VPS4B: variants seen among roughly 807,000 people sequenced by gnomAD.
VPS4B encodes vacuolar protein sorting 4 homolog B.
Under a neutral mutation model 56.1 loss-of-function variants are expected in VPS4B, and 23 were observed. That is an observed-to-expected ratio of 0.41 (90% CI 0.30 to 0.58). VPS4B has a LOEUF of 0.58. VPS4B is among the 20% of genes least tolerant of loss of function. The pLI is 0.29. For missense variants in VPS4B, 372 were observed against 531.9 expected (o/e 0.70, Z 2.96); for synonymous variants, 177 against 186.0 (o/e 0.95, Z 0.39).
At chr18:63,400,905 A>G (rs28572172) in intron 5 of VPS4B, among the ~76,000 whole-genome samples, 1 of 152,244 alleles carries the variant, frequency 6.6e-6, no homozygotes, top group African/African-American at 2.4e-5. Flanking sequence ...CTTGCATAAC[A>G]TAAGCCTTCT....
intron 1 of VPS4B, among the ~76,000 whole-genome samples, chr18:63,418,339 T>C (rs895981016): frequency 1.3e-5 from 2 of 152,306 alleles, no homozygotes. Flanking sequence ...CTCCGCAGCA[T>C]TTAACACACA....
Position 63,422,435 on chromosome 18 carries a change from T to C in VPS4B, c.-176A>G. 2.1e-6 allele frequency: 1 copy of C among 475,060 alleles called. No homozygotes were observed. Among genetic ancestry groups the C allele is most frequent in the East Asian group, 3.6e-5 (1 of 27,576 alleles). 29.4% of individuals were successfully genotyped at this position (475,060 alleles called of 1,614,324 possible). On this transcript the variant is annotated 5_prime_UTR_variant, in exon 1 of 11. Transcript: ENST00000238497. ...TAGACAACACTCTCTCCACCAGAGC[T>C]CCGACCCTCCCCACCAAACTTCCGC...
At chr18:63,422,175 T>C in intron 1 of VPS4B, 58 bp downstream of exon 1, 3 of 1,367,488 alleles carry the variant, frequency 2.2e-6, no homozygotes, top group South Asian at 1.5e-5. Context: ...CCCCACCCGC[T>C]TCTCGCGCCT....
intron 9 of VPS4B, among the ~76,000 whole-genome samples, chr18:63,395,433 A>ACT (rs1915648709): frequency 6.6e-6 from 1 of 152,230 alleles, no homozygotes; most frequent in Non-Finnish European, 1.5e-5. Flanking sequence ...GGACTTCAAA[A>ACT]TAGCATTATC....
chr18:63,403,623 G>C, intron 5 of VPS4B, 84 bp downstream of exon 5: 1 of 1,344,440 alleles, frequency 7.4e-7, no homozygotes, highest in Non-Finnish European at 1.0e-6. Context: ...TAATTCATTA[G>C]TGACAAGAAT....
chr18:63,403,890 T>A, intron 4 of VPS4B, 64 bp from the exon 5 acceptor site: 1 of 1,526,176 alleles, frequency 6.6e-7, no homozygotes, highest in Non-Finnish European at 8.8e-7. Flanking sequence ...GAAGACAACA[T>A]GAAATAATGA....
At chr18:63,407,629 GCTTA>G (rs1239529490) in intron 3 of VPS4B, 130 bp from the exon 4 acceptor site, 18 of 675,560 alleles carry the variant, frequency 2.7e-5, no homozygotes, top group Non-Finnish European at 3.4e-5. Flanking sequence ...TAAAAGTTAT[GCTTA>G]CTTATTTTAA....
intron 2 of VPS4B, 123 bp from the exon 3 acceptor site, chr18:63,410,569 C>T (rs1916018356): frequency 7.9e-7 from 1 of 1,270,934 alleles, no homozygotes; most frequent in East Asian, 2.3e-5. Context: ...GGAAGATCAT[C>T]TCTAACTCAT....
At chr18:63,398,518 C>G (rs908395505) in intron 8 of VPS4B, among the ~76,000 whole-genome samples, 1 of 151,438 alleles carries the variant, frequency 6.6e-6, no homozygotes, top group African/African-American at 2.4e-5. Context: ...CCACACCCGG[C>G]CTGACATATA....
In VPS4B at chr18:63,402,829, C is replaced by G. The variant is rs148027581; in HGVS notation, c.484+878G>C. On this transcript the variant is annotated intron_variant, in intron 5 of 10. Coordinates refer to ENST00000238497, the MANE Select transcript of VPS4B (RefSeq NM_004869.4). Reference sequence around the variant, plus strand: ...AGGCGGACAGTGCGTGGCCTACAGGCTTTTTGCTCTTCATCACTGCTCTAT... The same window carrying G: ...AGGCGGACAGTGCGTGGCCTACAGGGTTTTTGCTCTTCATCACTGCTCTAT... Among the ~76,000 whole-genome samples, 75 of 152,258 alleles carry G rather than the reference C, an allele frequency of 4.9e-4. 1 individual carries two copies. In the East Asian group the frequency reaches 0.014, roughly 27 times the overall value.
chr18:63,421,116 G>C (rs550790840), intron 1 of VPS4B, among the ~76,000 whole-genome samples: 12 of 151,576 alleles, frequency 7.9e-5, no homozygotes, highest in Admixed American at 2.0e-4. Context: ...CACAAAATGA[G>C]TCATTGTTGC....
Position 63,403,692 on chromosome 18 carries a change from TAA to T in VPS4B, c.484+13_484+14del, listed in dbSNP as rs767399328. 1.3e-5 allele frequency: 21 copies of T among 1,589,302 alleles called. No homozygotes were observed. The African/African-American group carries it at 1.6e-4, about 12-fold the overall frequency. ...TACAAACTCATGAAATAAAATTATT[TAA>T]AAGTTATGTCACCTGTAAAAAGATG... is the stretch of plus-strand genomic sequence containing the variant. On this transcript the variant is annotated intron_variant, in intron 5 of 10. Coordinates refer to ENST00000238497, the MANE Select transcript of VPS4B (RefSeq NM_004869.4).
chr18:63,401,366 C>G (rs146799474), intron 5 of VPS4B, among the ~76,000 whole-genome samples: 44 of 152,158 alleles, frequency 2.9e-4, no homozygotes, highest in Admixed American at 2.5e-3. Context: ...GCAATTCTCC[C>G]GCCTCAGCCT....
chr18:63,420,591 T>A (rs1211734847), intron 1 of VPS4B, among the ~76,000 whole-genome samples: 2 of 151,962 alleles, frequency 1.3e-5, no homozygotes, highest in Non-Finnish European at 2.9e-5. Context: ...TTCAGAAGAG[T>A]CACCTTTAAT....
intron 1 of VPS4B, among the ~76,000 whole-genome samples, chr18:63,420,097 T>C (rs1047469939): frequency 2.0e-5 from 3 of 152,208 alleles, no homozygotes; most frequent in African/African-American, 4.8e-5. Context: ...ATGCCTTTCA[T>C]GTTGGTCAGT....
intron 9 of VPS4B, among the ~76,000 whole-genome samples, chr18:63,394,092 G>A (rs1810099): frequency 0.5 from 75,793 of 151,758 alleles, 19,498 homozygotes; most frequent in East Asian, 0.87. Context: ...ACAATAAATT[G>A]CTTGTATGAT....
chr18:63,407,257 G>A, intron 4 of VPS4B, 175 bp downstream of exon 4: 1 of 595,918 alleles, frequency 1.7e-6, no homozygotes, highest in South Asian at 2.2e-5. Context: ...CATGATCCTA[G>A]AGGGCAAACC....
chr18:63,410,474 T>C lies in VPS4B; in HGVS notation c.140-28A>G, dbSNP rs1375228239. The C allele has an allele frequency of 2.5e-6, 4 of 1,604,702 alleles. No individual in the cohort carries two copies. In the African/African-American group the frequency reaches 5.4e-5, roughly 22 times the overall value. Reference sequence around the variant, plus strand: ...ATTAAAGGGAAATGAGAGAGATTTTTTTCCATTAGTATTCTATGTAGAAAG... The same window carrying C: ...ATTAAAGGGAAATGAGAGAGATTTTCTTCCATTAGTATTCTATGTAGAAAG... On this transcript the variant is annotated intron_variant, in intron 2 of 10. Coordinates refer to ENST00000238497, the MANE Select transcript of VPS4B (RefSeq NM_004869.4).
chr18:63,407,681 A>G (rs1442971766), intron 3 of VPS4B, among the ~76,000 whole-genome samples, 182 bp from the exon 4 acceptor site: 1 of 152,216 alleles, frequency 6.6e-6, no homozygotes, highest in Non-Finnish European at 1.5e-5. Context: ...GTTATCATCA[A>G]TAGAGAATCA....
Sources: allele counts gnomAD v4.1 joint callset (sites outside exome capture counted in the v4.1 genomes callset), GRCh38; gene constraint gnomAD v4.1.1; transcripts MANE v1.5; gene names NCBI Gene and HGNC (gene_info 2026-07-23, HGNC 2026-07-21).